SLCO5A1: variants seen among roughly 807,000 people sequenced by gnomAD.
The protein encoded by SLCO5A1 is organic anion transporter polypeptide-related protein 4.
SLCO5A1 carries 39 observed loss-of-function variants against 65.1 expected under a neutral mutation model. The ratio of observed to expected loss-of-function variants is 0.60; its 90% CI spans 0.46 to 0.78. The LOEUF (loss-of-function observed/expected upper bound fraction) is 0.78. SLCO5A1 is among the 30% of genes least tolerant of loss of function. The probability of loss-of-function intolerance (pLI) is 0.00; values close to 1 mark genes in which losing one functional copy is unlikely to be tolerated. For synonymous variants in SLCO5A1, 438 were observed against 415.7 expected, an observed-to-expected ratio of 1.05 and a Z score of -0.65; for missense variants, 1,029 against 1,069.4, an observed-to-expected ratio of 0.96 and a Z score of 0.53.
intron 2 of SLCO5A1, among the ~76,000 whole-genome samples, chr8:69,811,628 G>A (rs1436099925): frequency 6.6e-6 from 1 of 152,194 alleles, no homozygotes; most frequent in Non-Finnish European, 1.5e-5. Flanking sequence ...TACTGTGTGA[G>A]GCAGGCAACC....
intron 7 of SLCO5A1, among the ~76,000 whole-genome samples, chr8:69,680,818 C>A (rs921287126): frequency 2.6e-5 from 4 of 152,160 alleles, no homozygotes; most frequent in African/African-American, 9.7e-5. Flanking sequence ...GCAACCAGCT[C>A]CATGGATGTA....
At chr8:69,679,751 G>C (rs1170903887) in intron 7 of SLCO5A1, 132 bp from the exon 8 acceptor site, 1 of 1,254,496 alleles carries the variant, frequency 8.0e-7, no homozygotes, top group African/African-American at 1.5e-5. Context: ...ATATTTCATT[G>C]AAAGTACCTT....
intron 5 of SLCO5A1, among the ~76,000 whole-genome samples, chr8:69,727,768 CT>C (rs1816149859): frequency 6.6e-6 from 1 of 152,150 alleles, no homozygotes; most frequent in African/African-American, 2.4e-5. Context: ...TTCTTTTGAT[CT>C]TTATAAGAAT....
At chr8:69,740,232 G>A (rs979119462) in intron 4 of SLCO5A1, among the ~76,000 whole-genome samples, 2 of 152,210 alleles carry the variant, frequency 1.3e-5, no homozygotes, top group African/African-American at 4.8e-5. Context: ...TGAGCTTTCA[G>A]CCTACAGCCC....
At chr8:69,795,499 C>T (rs142397961) in intron 2 of SLCO5A1, among the ~76,000 whole-genome samples, 343 of 152,350 alleles carry the variant, frequency 2.3e-3, no homozygotes, top group African/African-American at 7.6e-3. Flanking sequence ...GACTCCAAGT[C>T]CCACATCCAA....
intron 6 of SLCO5A1, among the ~76,000 whole-genome samples, chr8:69,703,110 CA>C (rs34113730): frequency 2.7e-3 from 227 of 82,828 alleles, no homozygotes; most frequent in African/African-American, 5.1e-3. Context: ...GACTCTGTTT[CA>C]AAAAAAAAAA....
intron 5 of SLCO5A1, chr8:69,713,872 C>A (rs1586715887): frequency 6.6e-6 from 1 of 152,364 alleles, no homozygotes; most frequent in East Asian, 1.9e-4. Flanking sequence ...CAAAAGACAT[C>A]TTTTCCTCTT....
intron 5 of SLCO5A1, among the ~76,000 whole-genome samples, chr8:69,708,631 A>T (rs1815079730): frequency 6.6e-6 from 1 of 151,834 alleles, no homozygotes; most frequent in Non-Finnish European, 1.5e-5. Flanking sequence ...GAGGACAGGC[A>T]TGGGGCTCAT....
At chr8:69,827,153 G>C (rs1275763855) in intron 2 of SLCO5A1, among the ~76,000 whole-genome samples, 1 of 117,574 alleles carries the variant, frequency 8.5e-6, no homozygotes, top group Non-Finnish European at 1.7e-5. Context: ...GTTGTGGGGT[G>C]GGGGGAGGGG....
chr8:69,764,924 G>A (rs978620593), intron 2 of SLCO5A1, among the ~76,000 whole-genome samples: 2 of 152,168 alleles, frequency 1.3e-5, no homozygotes, highest in South Asian at 2.1e-4. Flanking sequence ...AGTGGCAAGC[G>A]GGATTGTGCA....
Position 69,705,148 on chromosome 8 carries a change from T to C in SLCO5A1, c.1505A>G (p.Glu502Gly). ...GCAGATCATTGCTAGTTTTGCAGATTCTCTGGCACCAAGTTTCAATTTTTT... is the reference window on the plus strand; with the variant it reads ...GCAGATCATTGCTAGTTTTGCAGATCCTCTGGCACCAAGTTTCAATTTTTT... ...IIKKLKLGAR[E>G]SAKLAMICSG... is the part of the protein sequence containing the mutation. The change falls in exon 6 of 10, where the codon GAA becomes GGA. Residue 502 changes from glutamate (E) to glycine (G), a missense_variant. Coordinates refer to ENST00000260126, the MANE Select transcript of SLCO5A1 (RefSeq NM_030958.3). The C allele has an allele frequency of 6.2e-7, 1 of 1,614,168 alleles. No individual in the cohort carries two copies. The highest frequency in any genetic ancestry group is 8.5e-7 in the Non-Finnish European group (1 of 1,180,016).
chr8:69,717,319 T>C (rs1288565610), intron 5 of SLCO5A1, among the ~76,000 whole-genome samples: 1 of 152,226 alleles, frequency 6.6e-6, no homozygotes, highest in Non-Finnish European at 1.5e-5. Context: ...TGCATGCGGC[T>C]ATTCAGTTGT....
chr8:69,723,278 G>T (rs1204730471), intron 5 of SLCO5A1, among the ~76,000 whole-genome samples: 2 of 151,824 alleles, frequency 1.3e-5, no homozygotes, highest in Non-Finnish European at 2.9e-5. Flanking sequence ...TTTAGACAAG[G>T]TCTCACTCTG....
chr8:69,699,020 G>A (rs779061464), intron 6 of SLCO5A1, among the ~76,000 whole-genome samples: 72 of 152,150 alleles, frequency 4.7e-4, no homozygotes, highest in Non-Finnish European at 8.1e-4. Context: ...AACAGAAAGC[G>A]TGAATGAGAA....
rs1586849296 is a variant in SLCO5A1 at position 69,832,462 on chromosome 8, T to C, written c.212A>G (p.Glu71Gly). The change falls in exon 2 of 10, where the codon GAG (glutamate) becomes GGG (glycine). Residue 71 changes from glutamate to glycine, a missense_variant. Around this residue, in one of 3 missense-constraint regions of SLCO5A1, gnomAD observed 647 missense variants for 647.5 expected, o/e 1.00. Coordinates refer to ENST00000260126, the MANE Select transcript of SLCO5A1 (RefSeq NM_030958.3). The surrounding 1 kb of genome is among the most constrained non-coding windows in gnomAD (Gnocchi z 4.5). ...CAACGGGTTCGGGCCTTGCTTCAAC[T>C]CCTGGTGGCCCGAAGAATCCACACA... Reference protein sequence around the residue: ...FGCVDSSGHQELKQGPNPLAP... With the variant: ...FGCVDSSGHQGLKQGPNPLAP... 1 of 1,612,976 alleles carries C rather than the reference T, an allele frequency of 6.2e-7. No homozygotes were observed. Among genetic ancestry groups the C allele is most frequent in the Non-Finnish European group, 8.5e-7 (1 of 1,179,626 alleles).
chr8:69,714,049 G>A (rs2959559), intron 5 of SLCO5A1, among the ~76,000 whole-genome samples: 109,067 of 152,126 alleles, frequency 0.72, 40,398 homozygotes, highest in African/African-American at 0.91. Context: ...AAGAGACAGC[G>A]CGATAAGTAT....
At chr8:69,691,164 G>GCAGC (rs1434598484) in intron 6 of SLCO5A1, among the ~76,000 whole-genome samples, 13 of 152,112 alleles carry the variant, frequency 8.5e-5, no homozygotes, top group African/African-American at 3.1e-4. Context: ...GTACAGTCTG[G>GCAGC]CAGCCACAGA....
At chr8:69,697,076 TA>T (rs149426423) in intron 6 of SLCO5A1, among the ~76,000 whole-genome samples, 1 of 151,258 alleles carries the variant, frequency 6.6e-6, no homozygotes, top group Non-Finnish European at 1.5e-5. Flanking sequence ...AAAATGAGTT[TA>T]AAAAAAAAGA....
chr8:69,745,740 T>A (rs1816984900), intron 4 of SLCO5A1, among the ~76,000 whole-genome samples: 1 of 152,158 alleles, frequency 6.6e-6, no homozygotes, highest in Non-Finnish European at 1.5e-5. Flanking sequence ...TGTGCCAAAA[T>A]TCACAGAATA....
Sources: gnomAD v4.1 joint callset for allele counts (sites outside exome capture counted in the v4.1 genomes callset) on GRCh38, gnomAD v4.1.1 for gene constraint, gnomAD v4.1.1 regional missense constraint, Gnocchi (gnomAD v3.1) non-coding constraint, MANE v1.5 for transcripts, NCBI Gene and HGNC (gene_info 2026-07-23, HGNC 2026-07-21) for gene names.